CBFA2T2: variants seen among roughly 807,000 people sequenced by gnomAD.
The protein encoded by CBFA2T2 is protein CBFA2T2.
In CBFA2T2, 11 loss-of-function variants were observed where a neutral mutation model predicts 62.2. The observed-to-expected ratio is 0.18, with a 90% CI of 0.11 to 0.29. The LOEUF (loss-of-function observed/expected upper bound fraction) is 0.29. CBFA2T2 is among the 10% of genes least tolerant of loss of function. CBFA2T2 has a pLI of 1.00. For missense variants in CBFA2T2, 592 were observed against 774.1 expected, an observed-to-expected ratio of 0.76 and a Z score of 2.79; for synonymous variants, 295 against 287.5, an observed-to-expected ratio of 1.03 and a Z score of -0.27.
intron 1 of CBFA2T2, among the ~76,000 whole-genome samples, chr20:33,573,213 G>A (rs1214038391): frequency 6.6e-6 from 1 of 152,142 alleles, no homozygotes; most frequent in African/African-American, 2.4e-5. Flanking sequence ...GAGACAGGCA[G>A]TAAAGATGAT....
At chr20:33,578,187 T>C (rs1277671736) in intron 1 of CBFA2T2, among the ~76,000 whole-genome samples, 1 of 152,226 alleles carries the variant, frequency 6.6e-6, no homozygotes, top group Non-Finnish European at 1.5e-5. Flanking sequence ...AGCTGACTAC[T>C]TTAGTATTGG....
At chr20:33,612,883 CAAGA>C in intron 3 of CBFA2T2, among the ~76,000 whole-genome samples, 1 of 152,266 alleles carries the variant, frequency 6.6e-6, no homozygotes, top group African/African-American at 2.4e-5. Flanking sequence ...TGCAGGAGTT[CAAGA>C]CCAGCCTGGG....
At chr20:33,622,723 G>A (rs2016036661) in intron 4 of CBFA2T2, among the ~76,000 whole-genome samples, 1 of 152,170 alleles carries the variant, frequency 6.6e-6, no homozygotes, top group Non-Finnish European at 1.5e-5. Flanking sequence ...ATGAGTTGGG[G>A]TCCAGAAGAG....
chr20:33,600,104 T>C (rs1477096504), intron 1 of CBFA2T2, among the ~76,000 whole-genome samples: 1 of 151,948 alleles, frequency 6.6e-6, no homozygotes, highest in Admixed American at 6.6e-5. Flanking sequence ...TAGCCAACTT[T>C]ATAAGGCTAT....
intron 1 of CBFA2T2, among the ~76,000 whole-genome samples, chr20:33,570,150 A>C (rs2013490468): frequency 6.6e-6 from 1 of 152,196 alleles, no homozygotes. Context: ...GTGTGGTGGC[A>C]CATGCCTGTA....
intron 1 of CBFA2T2, among the ~76,000 whole-genome samples, chr20:33,524,829 AC>A (rs2011838856): frequency 6.6e-6 from 1 of 152,170 alleles, no homozygotes; most frequent in African/African-American, 2.4e-5. Flanking sequence ...AGAAAATGTG[AC>A]AAATAGCTTT....
intron 3 of CBFA2T2, among the ~76,000 whole-genome samples, chr20:33,613,793 A>G (rs2015609117): frequency 6.6e-6 from 1 of 152,192 alleles, no homozygotes; most frequent in African/African-American, 2.4e-5. Flanking sequence ...TACTGGATCC[A>G]GAGTAAGGTT....
chr20:33,562,702 G>A lies in CBFA2T2; in HGVS notation c.35-44254G>A, dbSNP rs888385200. On this transcript the variant is annotated intron_variant, in intron 1 of 10. Coordinates refer to ENST00000342704, the MANE Select transcript of CBFA2T2 (RefSeq NM_001032999.3). ...AAGTACATTTTAATATAGTTTTGGG[G>A]GTTAAAGTGCACAATTCTCTGCCTT... is the stretch of plus-strand genomic sequence containing the variant. The A allele has an allele frequency of 5.1e-6, 5 of 982,780 alleles. No individual in the cohort carries two copies. The African/African-American group carries it at 8.8e-5, about 17-fold the overall frequency. The allele number at this position is 982,780 out of a possible 1,614,324, so 60.9% of individuals were successfully genotyped here.
chr20:33,627,682 C>G (rs1023127132), intron 6 of CBFA2T2, among the ~76,000 whole-genome samples: 1 of 152,068 alleles, frequency 6.6e-6, no homozygotes, highest in African/African-American at 2.4e-5. Flanking sequence ...ATGAGGAACT[C>G]AATATATACT....
chr20:33,546,049 G>GT (rs1338100058), intron 1 of CBFA2T2, among the ~76,000 whole-genome samples: 2 of 152,196 alleles, frequency 1.3e-5, no homozygotes, highest in African/African-American at 4.8e-5. Flanking sequence ...AGCCTACCAT[G>GT]TGGTAGACAC....
chr20:33,612,409 G>A (rs1402350083), intron 3 of CBFA2T2, among the ~76,000 whole-genome samples: 1 of 152,188 alleles, frequency 6.6e-6, no homozygotes, highest in African/African-American at 2.4e-5. Context: ...GCAGCTCTCC[G>A]AGTGTAAATC....
chr20:33,554,317 A>T (rs2012825891), intron 1 of CBFA2T2, among the ~76,000 whole-genome samples: 1 of 147,664 alleles, frequency 6.8e-6, no homozygotes, highest in South Asian at 2.1e-4. Context: ...CAGAGGCATG[A>T]TCTCAGCTCA....
Position 33,648,383 on chromosome 20 carries a change from C to T in CBFA2T2, c.*3737C>T, listed in dbSNP as rs533936072. 9.8e-4 allele frequency: 149 copies of T among 152,416 alleles called. 2 individuals are homozygous for T. Among genetic ancestry groups the T allele is most frequent in the Non-Finnish European group, 8.7e-4 (59 of 68,132 alleles). 9.4% of individuals were successfully genotyped at this position (152,416 alleles called of 1,614,324 possible). On this transcript the variant is annotated 3_prime_UTR_variant, in exon 11 of 11. Coordinates refer to ENST00000342704, the MANE Select transcript of CBFA2T2 (RefSeq NM_001032999.3). Reference sequence around the variant, plus strand: ...GAATGATTGCAGGGACCAGAGAAGACCAAAGATGCCAGATGTCCCCAGAGT... The same window carrying T: ...GAATGATTGCAGGGACCAGAGAAGATCAAAGATGCCAGATGTCCCCAGAGT...
intron 1 of CBFA2T2, among the ~76,000 whole-genome samples, chr20:33,563,308 A>G: frequency 6.6e-6 from 1 of 152,202 alleles, no homozygotes; most frequent in Non-Finnish European, 1.5e-5. Flanking sequence ...TCATGTGCAT[A>G]TAACTACGTA....
At chr20:33,497,610 T>C (rs1208870765) in intron 1 of CBFA2T2, among the ~76,000 whole-genome samples, 1 of 148,442 alleles carries the variant, frequency 6.7e-6, no homozygotes, top group Non-Finnish European at 1.5e-5. Context: ...AGTGCGGTAG[T>C]GTGATCTGGG....
At chr20:33,628,216 C>T (rs879157156) in intron 6 of CBFA2T2, 134 bp from the exon 7 acceptor site, 13 of 642,616 alleles carry the variant, frequency 2.0e-5, no homozygotes, top group African/African-American at 2.0e-4. Context: ...TTTGTGGGTC[C>T]CCCACCCCAT....
chr20:33,490,447 C>CG (rs1263529157), intron 1 of CBFA2T2, 146 bp downstream of exon 1: 1 of 862,420 alleles, frequency 1.2e-6, no homozygotes, highest in Non-Finnish European at 1.5e-6. Flanking sequence ...GGTCACGCAG[C>CG]GGGGCGGGCC....
chr20:33,574,841 G>C (rs373638435), intron 1 of CBFA2T2, among the ~76,000 whole-genome samples: 2 of 152,096 alleles, frequency 1.3e-5, no homozygotes, highest in African/African-American at 2.4e-5. Flanking sequence ...TTTGAATTTT[G>C]GTTGTGTGGT....
intron 1 of CBFA2T2, among the ~76,000 whole-genome samples, chr20:33,568,976 T>C (rs2013447058): frequency 6.6e-6 from 1 of 152,112 alleles, no homozygotes; most frequent in African/African-American, 2.4e-5. Flanking sequence ...TCCCTAAATA[T>C]TAAATGTAGA....
Sources: allele counts gnomAD v4.1 joint callset (sites outside exome capture counted in the v4.1 genomes callset), GRCh38; gene constraint gnomAD v4.1.1; transcripts MANE v1.5; gene names NCBI Gene and HGNC (gene_info 2026-07-23, HGNC 2026-07-21).